The following HDAC4 variants were observed in gnomAD, a reference collection of about 807,000 sequenced individuals.
HDAC4 encodes histone deacetylase 4.
HDAC4 carries 16 observed loss-of-function variants against 135.1 expected under a neutral mutation model. The ratio of observed to expected loss-of-function variants is 0.12; its 90% CI spans 0.08 to 0.18. The LOEUF is 0.18. Among genes scored for constraint, HDAC4 ranks in the 10% least tolerant of loss-of-function variants. HDAC4 has a pLI of 1.00. For missense variants in HDAC4, 1,143 were observed against 1,511.8 expected, an observed-to-expected ratio of 0.76 and a Z score of 4.05; for synonymous variants, 685 against 653.4, an observed-to-expected ratio of 1.05 and a Z score of -0.74.
intron 2 of HDAC4, among the ~76,000 whole-genome samples, chr2:239,238,718 G>C (rs2048023785): frequency 6.6e-6 from 1 of 152,176 alleles, no homozygotes; most frequent in South Asian, 2.1e-4. Flanking sequence ...TCATACATGA[G>C]GCCTAATTAC....
At chr2:239,375,843 T>C (rs2126029966) in intron 1 of HDAC4, among the ~76,000 whole-genome samples, 1 of 152,328 alleles carries the variant, frequency 6.6e-6, no homozygotes, top group Non-Finnish European at 1.5e-5. Flanking sequence ...CAGGCAATCT[T>C]GCCCAGCCCA....
At position 239,104,943 on chromosome 2, in the gene HDAC4, C is replaced by T. The variant is rs1021505242; in HGVS notation, c.2113-2047G>A. Among the ~76,000 whole-genome samples the T allele has an allele frequency of 3.3e-5, 5 of 152,250 alleles. No homozygotes were observed. In the East Asian group the frequency reaches 5.8e-4, roughly 18 times the overall value. On this transcript the variant is annotated intron_variant, in intron 15 of 26. Coordinates refer to ENST00000543185, the MANE Select transcript of HDAC4 (RefSeq NM_001378414.1). ...CAGGATCAAAGCCCCAAAAGCTCTGCGACACCGCGACGGCTGGGGCTGCAG... is the reference window on the plus strand; with the variant it reads ...CAGGATCAAAGCCCCAAAAGCTCTGTGACACCGCGACGGCTGGGGCTGCAG...
chr2:239,051,231 G>A lies in HDAC4; in HGVS notation c.*1866C>T, dbSNP rs770569434. The A allele has an allele frequency of 9.9e-4, 151 of 152,480 alleles. 1 individual carries two copies. The highest frequency in any genetic ancestry group is 4.6e-4 in the Admixed American group (7 of 15,292). The allele number at this position is 152,480 out of a possible 1,614,324, so 9.4% of individuals were successfully genotyped here. Reference sequence around the variant, plus strand: ...CTACTAGTGTTGAAAGTTAAAAAGAGCCCCTGGGCTTCTTTATACAGCTCC... The same window carrying A: ...CTACTAGTGTTGAAAGTTAAAAAGAACCCCTGGGCTTCTTTATACAGCTCC... On this transcript the variant is annotated 3_prime_UTR_variant, in exon 27 of 27. Coordinates refer to ENST00000543185, the MANE Select transcript of HDAC4 (RefSeq NM_001378414.1).
At chr2:239,063,269 CG>C (rs1328030225) in intron 24 of HDAC4, among the ~76,000 whole-genome samples, 2 of 151,886 alleles carry the variant, frequency 1.3e-5, no homozygotes, top group Non-Finnish European at 2.9e-5. Context: ...GGCGCGATCT[CG>C]GCTCACTGCA....
chr2:239,065,858 C>T (rs1193903656), intron 24 of HDAC4, among the ~76,000 whole-genome samples: 1 of 152,256 alleles, frequency 6.6e-6, no homozygotes, highest in Non-Finnish European at 1.5e-5. Flanking sequence ...AAGCCACCGA[C>T]TGAGTCGTGT....
intron 24 of HDAC4, 28 bp downstream of exon 24, chr2:239,066,694 T>C: frequency 3.7e-6 from 6 of 1,613,092 alleles, no homozygotes; most frequent in East Asian, 2.2e-5. Context: ...GTGTGGAGCA[T>C]CCTGTGGGGT....
At chr2:239,066,414 T>A (rs182096281) in intron 24 of HDAC4, among the ~76,000 whole-genome samples, 5 of 152,202 alleles carry the variant, frequency 3.3e-5, no homozygotes, top group African/African-American at 1.2e-4. Flanking sequence ...CACAGTGTGC[T>A]CCACGTAATG....
intron 1 of HDAC4, among the ~76,000 whole-genome samples, chr2:239,365,508 C>G (rs1353271946): frequency 6.6e-6 from 1 of 152,230 alleles, no homozygotes; most frequent in Non-Finnish European, 1.5e-5. Flanking sequence ...GATCAGATAC[C>G]AAGAGGATAA....
intron 17 of HDAC4, 113 bp downstream of exon 17, chr2:239,094,897 G>A (rs1164831671): frequency 3.7e-6 from 6 of 1,601,388 alleles, no homozygotes; most frequent in South Asian, 2.2e-5. Flanking sequence ...CCCTGCGTAT[G>A]GAAAACACCT....
chr2:239,399,239 G>T (rs1014601325), intron 1 of HDAC4, among the ~76,000 whole-genome samples: 2 of 152,226 alleles, frequency 1.3e-5, no homozygotes, highest in Non-Finnish European at 2.9e-5. Context: ...CCATTCTGAT[G>T]AAACTTCTAA....
intron 20 of HDAC4, among the ~76,000 whole-genome samples, chr2:239,082,696 C>T (rs2035460922): frequency 6.6e-6 from 1 of 152,242 alleles, no homozygotes; most frequent in Non-Finnish European, 1.5e-5. Context: ...GCAGGGCGTT[C>T]GGCAGGAGAC....
At chr2:239,157,686 C>T (rs1039421327) in intron 6 of HDAC4, among the ~76,000 whole-genome samples, 3 of 152,146 alleles carry the variant, frequency 2.0e-5, no homozygotes, top group Non-Finnish European at 2.9e-5. Context: ...ACAAATTTGC[C>T]GACTTACTTA....
chr2:239,371,841 C>A (rs1329732849), intron 1 of HDAC4, among the ~76,000 whole-genome samples: 1 of 152,232 alleles, frequency 6.6e-6, no homozygotes, highest in Non-Finnish European at 1.5e-5. Flanking sequence ...GCCTCATTCA[C>A]CTGTATTGTT....
chr2:239,210,360 C>T (rs1170063431), intron 3 of HDAC4, among the ~76,000 whole-genome samples: 9 of 152,166 alleles, frequency 5.9e-5, no homozygotes, highest in South Asian at 2.1e-4. Flanking sequence ...CAGAAAACGA[C>T]GTCAGTATGA....
intron 17 of HDAC4, among the ~76,000 whole-genome samples, chr2:239,093,266 C>T (rs1007745410): frequency 2.6e-5 from 4 of 152,206 alleles, no homozygotes; most frequent in East Asian, 1.9e-4. Flanking sequence ...GTTCTGCCTC[C>T]GGGAGAGTTT....
Position 239,050,680 on chromosome 2 carries a change from C to T in HDAC4, c.*2417G>A, listed in dbSNP as rs769023343. ...CTACCCTGTAAACTTTACCAAACTC[C>T]GAAACTCGGCTCTGGGTCCCTCCTG... On this transcript the variant is annotated 3_prime_UTR_variant, in exon 27 of 27. Transcript: ENST00000543185. 1.4e-4 allele frequency: 21 copies of T among 152,744 alleles called. No homozygotes were observed. The highest frequency in any genetic ancestry group is 9.1e-4 in the Admixed American group (14 of 15,302). The allele number at this position is 152,744 out of a possible 1,614,324, so 9.5% of individuals were successfully genotyped here.
intron 19 of HDAC4, among the ~76,000 whole-genome samples, 168 bp downstream of exon 19, chr2:239,087,391 T>G (rs2036079081): frequency 6.6e-6 from 1 of 152,212 alleles, no homozygotes; most frequent in Non-Finnish European, 1.5e-5. Flanking sequence ...GACTTTGGCA[T>G]CTGCACTCCA....
chr2:239,342,226 T>TAA (rs953809342), intron 2 of HDAC4, among the ~76,000 whole-genome samples: 2 of 145,486 alleles, frequency 1.4e-5, no homozygotes. Flanking sequence ...AATTTAAAAT[T>TAA]AAAAAAAAAA....
chr2:239,297,027 TAAAAAAA>T (rs71043186), intron 2 of HDAC4, among the ~76,000 whole-genome samples: 1 of 118,228 alleles, frequency 8.5e-6, no homozygotes, highest in Admixed American at 8.5e-5. Context: ...TGTTTTCATG[TAAAAAAA>T]AAAAAAAAAA....
Sources: allele counts gnomAD v4.1 joint callset (sites outside exome capture counted in the v4.1 genomes callset), GRCh38; gene constraint gnomAD v4.1.1; transcripts MANE v1.5; gene names NCBI Gene and HGNC (gene_info 2026-07-23, HGNC 2026-07-21).